Variants in FTCD observed in about 807,000 individuals in gnomAD.
FTCD encodes the protein formimidoyltransferase-cyclodeaminase.
A neutral mutation model predicts 62.9 loss-of-function variants in FTCD; 76 were observed. The observed-to-expected ratio is 1.21, with a 90% CI of 1.00 to 1.46. The LOEUF (loss-of-function observed/expected upper bound fraction) is 1.46, where lower values mean the gene tolerates loss of function less well. Among genes scored for constraint, FTCD ranks in the 40% most tolerant of loss-of-function variants. The probability of loss-of-function intolerance (pLI) is 0.00; values close to 1 mark genes in which losing one functional copy is unlikely to be tolerated. For missense variants in FTCD, 845 were observed against 751.3 expected (o/e 1.12, Z -1.46); for synonymous variants, 397 against 336.9 (o/e 1.18, Z -1.95).
At chr21:46,141,883 G>A (rs911578239) in intron 10 of FTCD, among the ~76,000 whole-genome samples, 2 of 152,214 alleles carry the variant, frequency 1.3e-5, no homozygotes, top group African/African-American at 4.8e-5. Flanking sequence ...CCAGAAAGCA[G>A]GGTTCTGCAA....
chr21:46,142,231 G>C (rs1047771587), intron 10 of FTCD: 2 of 152,330 alleles, frequency 1.3e-5, no homozygotes, highest in African/African-American at 4.8e-5. Context: ...TGGCGGGTTC[G>C]TGGTCTTGCC....
downstream of FTCD, chr21:46,136,714 C>T (rs543045448): frequency 6.8e-7 from 1 of 1,475,086 alleles, no homozygotes; most frequent in African/African-American, 1.4e-5. Context: ...ATGTCCTGCT[C>T]CTGCCCCAAG....
intron 7 of FTCD, chr21:46,146,624 C>T (rs2079154130): frequency 1.8e-6 from 1 of 540,918 alleles, no homozygotes; most frequent in Non-Finnish European, 3.3e-6. Context: ...GACCCCTCAG[C>T]AAACTGCTGC....
In FTCD at chr21:46,151,891, CCTT is replaced by C. The variant is rs2079289403; in HGVS notation, c.454_456del (p.Lys152del). ...GGCCCGACCGCCCGGGGTGGGGGCA[CCTT>C]CTTAGGGAGGGCCTCGTACTCCCCG... On this transcript the variant is annotated inframe_deletion and splice_region_variant, in exon 4 of 14. Transcript: ENST00000397746. The C allele has an allele frequency of 6.4e-7, 1 of 1,560,614 alleles. No individual in the cohort carries two copies. The highest frequency in any genetic ancestry group is 8.7e-7 in the Non-Finnish European group (1 of 1,152,812).
rs948667768 is a variant in FTCD at position 46,146,396 on chromosome 21, C to A, written c.907-69G>T. 6 of 1,083,758 alleles carry A rather than the reference C, an allele frequency of 5.5e-6. No homozygotes were observed. In the Admixed American group the frequency reaches 9.9e-5, roughly 18 times the overall value. 67.1% of individuals were successfully genotyped at this position (1,083,758 alleles called of 1,614,324 possible). On this transcript the variant is annotated intron_variant, in intron 7 of 13. Transcript: ENST00000397746. ...ACCACCAGGAAAGCCTCGGAACCCG[C>A]GGGTCCCACCCTTGCGGCAGCCGCC...
chr21:46,148,033 C>T (rs1204392297), intron 7 of FTCD, among the ~76,000 whole-genome samples: 1 of 151,878 alleles, frequency 6.6e-6, no homozygotes, highest in African/African-American at 2.4e-5. Context: ...TGTGGAGAAG[C>T]GACAGCTGCT....
At chr21:46,136,316 T>TGGGCAGGGAGCTG (rs1159270377), downstream of FTCD, 2 of 809,164 alleles carry the variant, frequency 2.5e-6, no homozygotes, top group Non-Finnish European at 4.0e-6. Context: ...GGAGGCTGGC[T>TGGGCAGGGAGCTG]GGGCAGGGAG....
chr21:46,145,586 AG>A lies in FTCD; in HGVS notation c.1099-9del. On this transcript the variant is annotated splice_polypyrimidine_tract_variant and intron_variant, in intron 9 of 13. Coordinates refer to ENST00000397746, the MANE Select transcript of FTCD (RefSeq NM_206965.2). ...GGAGCCCAGCGCCGCACCCTGCGAG[AG>A]GGGTGGATGTGGGGGTCGCAGGGAC... 1 of 1,531,348 alleles carries A rather than the reference AG, an allele frequency of 6.5e-7. No homozygotes were observed. Among genetic ancestry groups the A allele is most frequent in the Non-Finnish European group, 8.8e-7 (1 of 1,136,642 alleles). The allele number at this position is 1,531,348 out of a possible 1,614,324, so 94.9% of individuals were successfully genotyped here. A position where few individuals can be genotyped will look rare whatever the true frequency, so the allele number is the denominator to read the frequency against.
chr21:46,136,640 G>C, downstream of FTCD: 1 of 1,484,502 alleles, frequency 6.7e-7, no homozygotes, highest in Non-Finnish European at 9.0e-7. Flanking sequence ...CTGGCGCTGA[G>C]GTCTGTCTCC....
rs115715055 is a variant in FTCD, at chr21:46,139,287, G to A, written c.1261-364C>T. On this transcript the variant is annotated intron_variant, in intron 10 of 13. Transcript: ENST00000397746. The stretch of plus-strand genomic sequence containing the variant: ...TGTCTCCAACACAAGCAGCTGCACC[G>A]CCCCCAAGCCTGGGCATAAGAGGCT... 6.0e-3 allele frequency among the ~76,000 whole-genome samples: 912 copies of A among 152,194 alleles called. 9 individuals carry two copies. The highest frequency in any genetic ancestry group is 0.021 in the African/African-American group (859 of 41,502).
intron 10 of FTCD, among the ~76,000 whole-genome samples, chr21:46,143,487 A>G (rs2079063738): frequency 1.3e-5 from 2 of 152,206 alleles, no homozygotes; most frequent in South Asian, 2.1e-4. Flanking sequence ...CTAGATATAG[A>G]TCATAGATAT....
intron 12 of FTCD, among the ~76,000 whole-genome samples, chr21:46,137,872 T>C (rs1280719503): frequency 6.6e-6 from 1 of 152,174 alleles, no homozygotes; most frequent in Non-Finnish European, 1.5e-5. Flanking sequence ...GGCATCTACT[T>C]CCAAGAGCTG....
chr21:46,151,782 G>T, intron 4 of FTCD, 45 bp from the exon 5 acceptor site: 1 of 1,606,658 alleles, frequency 6.2e-7, no homozygotes, highest in Non-Finnish European at 8.5e-7. Context: ...CCACGGGAGG[G>T]AACAGCCCCC....
chr21:46,147,184 G>C (rs752551450), intron 7 of FTCD, among the ~76,000 whole-genome samples: 8 of 152,112 alleles, frequency 5.3e-5, no homozygotes, highest in Non-Finnish European at 1.2e-4. Flanking sequence ...TCCGACTGGA[G>C]ACCCCTGGAA....
chr21:46,139,309 G>A (rs1460581905), intron 10 of FTCD, among the ~76,000 whole-genome samples: 1 of 152,160 alleles, frequency 6.6e-6, no homozygotes, highest in Non-Finnish European at 1.5e-5. Context: ...GGGCATAAGA[G>A]GCTCAGACTG....
rs940047905 is a variant in FTCD at position 46,146,412 on chromosome 21, G to A, written c.907-85C>T. On this transcript the variant is annotated intron_variant, in intron 7 of 13. Coordinates refer to ENST00000397746, the MANE Select transcript of FTCD (RefSeq NM_206965.2). Reference sequence around the variant, plus strand: ...CGGAACCCGCGGGTCCCACCCTTGCGGCAGCCGCCCCCTGCCCCGAGCACA... The same window carrying A: ...CGGAACCCGCGGGTCCCACCCTTGCAGCAGCCGCCCCCTGCCCCGAGCACA... The A allele has an allele frequency of 8.6e-6, 8 of 925,446 alleles. No homozygotes were observed. In the African/African-American group the frequency reaches 9.8e-5, roughly 11 times the overall value. The allele number at this position is 925,446 out of a possible 1,614,324, so 57.3% of individuals were successfully genotyped here. A position where few individuals can be genotyped will look rare whatever the true frequency, so the allele number is the denominator to read the frequency against.
chr21:46,144,900 G>A (rs1430209937), intron 10 of FTCD, among the ~76,000 whole-genome samples: 3 of 151,192 alleles, frequency 2.0e-5, no homozygotes, highest in Admixed American at 2.0e-4. Flanking sequence ...TGATGCTCAT[G>A]TTCCTGTCCC....
chr21:46,137,702 G>T (rs1318923642), intron 12 of FTCD, among the ~76,000 whole-genome samples: 1 of 152,056 alleles, frequency 6.6e-6, no homozygotes, highest in Non-Finnish European at 1.5e-5. Flanking sequence ...CAGGGACTGA[G>T]GGGACACTTC....
intron 7 of FTCD, among the ~76,000 whole-genome samples, chr21:46,149,344 C>T (rs2079214739): frequency 6.6e-6 from 1 of 152,104 alleles, no homozygotes; most frequent in Admixed American, 6.5e-5. Context: ...ATCACGGGGT[C>T]CTACAGCTAG....
Sources: allele counts gnomAD v4.1 joint callset (sites outside exome capture counted in the v4.1 genomes callset), GRCh38; gene constraint gnomAD v4.1.1; transcripts MANE v1.5; gene names NCBI Gene and HGNC (gene_info 2026-07-23, HGNC 2026-07-21).